The following NELL1 variants were observed in gnomAD, a reference collection of about 807,000 sequenced individuals.
NELL1 encodes the protein neural EGFL like 1.
A neutral mutation model predicts 107.4 loss-of-function variants in NELL1; 76 were observed. The ratio of observed to expected loss-of-function variants is 0.71; its 90% confidence interval spans 0.59 to 0.86. The LOEUF (loss-of-function observed/expected upper bound fraction) is 0.86. Ranked by LOEUF, NELL1 falls within the 40% of genes least tolerant of loss-of-function variation. The pLI is 0.00. For synonymous variants in NELL1, 353 were observed against 341.2 expected (o/e 1.03, Z -0.38); for missense variants, 1,024 against 1,005.5 (o/e 1.02, Z -0.25).
chr11:20,673,370 T>A (rs1004446012), intron 1 of NELL1, among the ~76,000 whole-genome samples: 1 of 152,154 alleles, frequency 6.6e-6, no homozygotes, highest in African/African-American at 2.4e-5. Flanking sequence ...ATTAAGTGGT[T>A]GTGAAATTCT....
chr11:21,313,360 T>C (rs1453863430), intron 14 of NELL1, among the ~76,000 whole-genome samples: 1 of 152,162 alleles, frequency 6.6e-6, no homozygotes, highest in African/African-American at 2.4e-5. Flanking sequence ...ATTTTGATGA[T>C]ACACTGATTG....
At chr11:21,498,072 C>G (rs897193341) in intron 15 of NELL1, among the ~76,000 whole-genome samples, 3 of 151,794 alleles carry the variant, frequency 2.0e-5, no homozygotes, top group Non-Finnish European at 4.4e-5. Flanking sequence ...GAAAAGTACA[C>G]AGGAAAATAT....
chr11:20,936,858 G>A (rs1850736988), intron 9 of NELL1, among the ~76,000 whole-genome samples: 1 of 152,142 alleles, frequency 6.6e-6, no homozygotes, highest in Non-Finnish European at 1.5e-5. Context: ...CAGATATAGA[G>A]GCTCTGAAAG....
intron 2 of NELL1, among the ~76,000 whole-genome samples, chr11:20,771,122 TC>T (rs1856631900): frequency 1.3e-5 from 2 of 151,752 alleles, no homozygotes; most frequent in African/African-American, 2.4e-5. Flanking sequence ...ATGCAGAGGG[TC>T]CCCCTCCCCA....
intron 12 of NELL1, among the ~76,000 whole-genome samples, chr11:21,081,323 C>A (rs774058158): frequency 3.3e-5 from 5 of 152,116 alleles, no homozygotes; most frequent in Non-Finnish European, 5.9e-5. Flanking sequence ...TTGCAGGCTC[C>A]TGTTCTATCT....
At chr11:21,080,392 G>A (rs776155820) in intron 12 of NELL1, among the ~76,000 whole-genome samples, 47 of 151,936 alleles carry the variant, frequency 3.1e-4, no homozygotes, top group Admixed American at 3.3e-4. Flanking sequence ...AAATATGTAC[G>A]TATAGATTTA....
intron 14 of NELL1, among the ~76,000 whole-genome samples, chr11:21,279,834 T>G (rs1318342597): frequency 1.3e-5 from 2 of 152,196 alleles, no homozygotes; most frequent in East Asian, 3.9e-4. Flanking sequence ...TTCCAGGAGT[T>G]GAAAGGATAA....
chr11:20,817,053 G>A (rs1213830829), intron 3 of NELL1, among the ~76,000 whole-genome samples: 1 of 152,022 alleles, frequency 6.6e-6, no homozygotes, highest in Non-Finnish European at 1.5e-5. Context: ...GTTTTTTGTT[G>A]AGAATTTTTA....
chr11:21,325,958 T>C (rs969052678), intron 14 of NELL1, among the ~76,000 whole-genome samples: 3 of 151,712 alleles, frequency 2.0e-5, no homozygotes, highest in African/African-American at 7.3e-5. Context: ...GGTATATCAG[T>C]AGTTTATCCC....
chr11:21,408,604 C>T (rs1406808119), intron 15 of NELL1, among the ~76,000 whole-genome samples: 6 of 151,912 alleles, frequency 3.9e-5, no homozygotes, highest in African/African-American at 1.2e-4. Flanking sequence ...AAATTTTCTC[C>T]CATTTTGTAG....
chr11:20,779,516 T>C (rs1020256637), intron 2 of NELL1, among the ~76,000 whole-genome samples: 1 of 152,230 alleles, frequency 6.6e-6, no homozygotes, highest in Non-Finnish European at 1.5e-5. Flanking sequence ...AAATACATAC[T>C]GTAGTGGTTG....
intron 15 of NELL1, among the ~76,000 whole-genome samples, chr11:21,523,406 T>G (rs2133958633): frequency 6.6e-6 from 1 of 152,310 alleles, no homozygotes; most frequent in South Asian, 2.1e-4. Context: ...TTTTTAAATA[T>G]ATATTGTAGA....
chr11:21,368,918 C>T (rs1222807360), intron 14 of NELL1, among the ~76,000 whole-genome samples: 2 of 152,016 alleles, frequency 1.3e-5, no homozygotes, highest in African/African-American at 4.8e-5. Context: ...ATTTAATCAT[C>T]GTACTACTCT....
intron 13 of NELL1, among the ~76,000 whole-genome samples, chr11:21,149,820 G>T (rs2133784641): frequency 6.6e-6 from 1 of 152,196 alleles, no homozygotes; most frequent in Middle Eastern, 3.4e-3. Flanking sequence ...AGGTTTTCTT[G>T]TTTACTGCAC....
chr11:21,361,438 T>A (rs1851074395), intron 14 of NELL1, among the ~76,000 whole-genome samples: 1 of 152,116 alleles, frequency 6.6e-6, no homozygotes. Flanking sequence ...GTCCTGACAT[T>A]AGATAAACTA....
intron 13 of NELL1, among the ~76,000 whole-genome samples, chr11:21,212,152 C>A (rs997002118): frequency 1.3e-5 from 2 of 151,980 alleles, no homozygotes; most frequent in Non-Finnish European, 2.9e-5. Context: ...TAGTGGCTAC[C>A]CTGGTTTGAA....
chr11:20,777,437 G>A (rs1022173226), intron 2 of NELL1, among the ~76,000 whole-genome samples: 1 of 152,190 alleles, frequency 6.6e-6, no homozygotes, highest in African/African-American at 2.4e-5. Context: ...CACGTTAACT[G>A]GGAGTCTTCT....
intron 14 of NELL1, among the ~76,000 whole-genome samples, chr11:21,294,865 T>C (rs923506074): frequency 6.6e-6 from 1 of 152,026 alleles, no homozygotes; most frequent in African/African-American, 2.4e-5. Context: ...AAAAATACTA[T>C]AGACTCACAG....
intron 12 of NELL1, among the ~76,000 whole-genome samples, chr11:20,977,963 A>T (rs1487337948): frequency 1.3e-5 from 2 of 152,210 alleles, no homozygotes; most frequent in Non-Finnish European, 2.9e-5. Context: ...GACTTGCCTG[A>T]GGTCATCTAG....
Sources: allele counts gnomAD v4.1 joint callset (sites outside exome capture counted in the v4.1 genomes callset), GRCh38; gene constraint gnomAD v4.1.1; transcripts MANE v1.5; gene names NCBI Gene and HGNC (gene_info 2026-07-23, HGNC 2026-07-21).